SFMBT2: variants seen among roughly 807,000 people sequenced by gnomAD.
SFMBT2 encodes Scm like with four mbt domains 2, also known as scm-like with four MBT domains protein 2.
A neutral mutation model predicts 110.1 loss-of-function variants in SFMBT2; 38 were observed. That is an observed-to-expected ratio of 0.35 (90% CI 0.27 to 0.45). The LOEUF (loss-of-function observed/expected upper bound fraction) is 0.45. Among genes scored for constraint, SFMBT2 ranks in the 20% least tolerant of loss-of-function variants. SFMBT2 has a pLI of 1.00. For synonymous variants in SFMBT2, 425 were observed against 425.4 expected (o/e 1.00, Z 0.01); for missense variants, 1,011 against 1,094.9 (o/e 0.92, Z 1.08).
chr10:7,316,438 T>C (rs1217788652), intron 4 of SFMBT2, among the ~76,000 whole-genome samples: 3 of 152,064 alleles, frequency 2.0e-5, no homozygotes, highest in African/African-American at 4.8e-5. Context: ...AATGGGTCAG[T>C]GATGGGCCCC....
At chr10:7,319,544 A>T (rs1843109446) in intron 4 of SFMBT2, among the ~76,000 whole-genome samples, 1 of 152,262 alleles carries the variant, frequency 6.6e-6, no homozygotes, top group African/African-American at 2.4e-5. Context: ...CACAGGTATC[A>T]GTTATGGTAT....
chr10:7,407,947 G>A (rs549929708), intron 1 of SFMBT2, among the ~76,000 whole-genome samples: 2 of 152,200 alleles, frequency 1.3e-5, no homozygotes, highest in East Asian at 1.9e-4. Context: ...GTGGTCGGCC[G>A]GGCTCCTGCC....
At chr10:7,238,120 A>G (rs78023282) in intron 9 of SFMBT2, among the ~76,000 whole-genome samples, 2,736 of 152,242 alleles carry the variant, frequency 0.018, 63 homozygotes, top group African/African-American at 0.06. Context: ...CTGAGCAGAG[A>G]GACCCATGGT....
At position 7,171,892 on chromosome 10, in the gene SFMBT2, C is replaced by G; in HGVS notation, c.2415+3G>C. 7.1e-7 allele frequency: 1 copy of G among 1,414,754 alleles called. No individual in the cohort carries two copies. The highest frequency in any genetic ancestry group is 9.2e-7 in the Non-Finnish European group (1 of 1,087,076). The allele number at this position is 1,414,754 out of a possible 1,614,324, so 87.6% of individuals were successfully genotyped here. A position where few individuals can be genotyped will look rare whatever the true frequency, so the allele number is the denominator to read the frequency against. ...GCCCTCTGTCCCCACGCCCGGGCAT[C>G]ACCTCTGTCCCCTCGGGCTTGGTCG... On this transcript the variant is annotated splice_donor_region_variant and intron_variant, in intron 19 of 20. Coordinates refer to ENST00000397167, the MANE Select transcript of SFMBT2 (RefSeq NM_001387889.1). This position sits in a 1 kb window ranked among gnomAD's most constrained non-coding sequence, Gnocchi z 4.9.
intron 20 of SFMBT2, among the ~76,000 whole-genome samples, chr10:7,165,235 C>A (rs1837666906): frequency 6.6e-6 from 1 of 152,154 alleles, no homozygotes; most frequent in African/African-American, 2.4e-5. Context: ...AAGAATTATA[C>A]CCAGGGCTGC....
chr10:7,225,608 G>A (rs1334412839), intron 10 of SFMBT2, among the ~76,000 whole-genome samples: 4 of 152,142 alleles, frequency 2.6e-5, no homozygotes, highest in Non-Finnish European at 2.9e-5. Context: ...AAGCTCAGAA[G>A]CCACCTGGGA....
chr10:7,264,937 GAAAAAA>G (rs35999336), intron 7 of SFMBT2, among the ~76,000 whole-genome samples: 1 of 95,230 alleles, frequency 1.1e-5, no homozygotes, highest in African/African-American at 3.3e-5. Context: ...TAAAAAAGAG[GAAAAAA>G]AAAAAAAAAA....
chr10:7,216,009 C>T (rs367705176), intron 11 of SFMBT2, among the ~76,000 whole-genome samples: 5 of 152,198 alleles, frequency 3.3e-5, no homozygotes, highest in African/African-American at 4.8e-5. Context: ...TTCCTGGAAA[C>T]TCTGCTAACT....
chr10:7,199,383 C>T (rs1356619088), intron 14 of SFMBT2, among the ~76,000 whole-genome samples: 8 of 152,210 alleles, frequency 5.3e-5, no homozygotes, highest in African/African-American at 1.9e-4. Context: ...AAGCAACACT[C>T]ACAGTGGAAT....
intron 8 of SFMBT2, among the ~76,000 whole-genome samples, chr10:7,248,260 CT>C (rs756574308): frequency 2.6e-5 from 4 of 152,230 alleles, no homozygotes; most frequent in Non-Finnish European, 5.9e-5. Context: ...ACAAATTACT[CT>C]TGTAATGATT....
chr10:7,233,830 A>G (rs1017915857), intron 9 of SFMBT2, among the ~76,000 whole-genome samples: 2 of 152,206 alleles, frequency 1.3e-5, no homozygotes, highest in African/African-American at 4.8e-5. Context: ...GCAACCCTTC[A>G]GGGGATGAAT....
At chr10:7,353,512 T>G (rs1387832777) in intron 4 of SFMBT2, among the ~76,000 whole-genome samples, 1 of 151,324 alleles carries the variant, frequency 6.6e-6, no homozygotes, top group Non-Finnish European at 1.5e-5. Flanking sequence ...AAAAAACATC[T>G]TAATGGGTAA....
chr10:7,215,577 A>C, intron 11 of SFMBT2: 2 of 985,446 alleles, frequency 2.0e-6, no homozygotes, highest in South Asian at 9.4e-5. Context: ...AAGCACTGGA[A>C]TCCCTCCCTA....
At chr10:7,343,982 T>C (rs764446984) in intron 4 of SFMBT2, among the ~76,000 whole-genome samples, 11 of 152,232 alleles carry the variant, frequency 7.2e-5, no homozygotes, top group Non-Finnish European at 1.5e-4. Context: ...TCTCTTCCAC[T>C]GGCCCAAAGA....
Position 7,243,630 on chromosome 10 carries a change from G to A in SFMBT2, c.1048C>T (p.His350Tyr), listed in dbSNP as rs142786392. 4 of 872,736 alleles carry A rather than the reference G, an allele frequency of 4.6e-6. No homozygotes were observed. The African/African-American group carries it at 6.5e-5, about 14-fold the overall frequency. 54.1% of individuals were successfully genotyped at this position (872,736 alleles called of 1,614,324 possible). ...PEPSKLSMLC[H>Y]ADSLGILPVQ... Reference sequence around the variant, plus strand: ...GGCAAAATCCCCAAAGAATCTGCATGGCACAGCATTGACAGTTTACTTGGT... The same window carrying A: ...GGCAAAATCCCCAAAGAATCTGCATAGCACAGCATTGACAGTTTACTTGGT... The change falls in exon 9 of 21, where the codon CAT (histidine) becomes TAT (tyrosine). Residue 350 changes from histidine (H) to tyrosine (Y), a missense_variant. Transcript: ENST00000397167.
At chr10:7,328,726 G>A (rs1227810267) in intron 4 of SFMBT2, among the ~76,000 whole-genome samples, 2 of 152,144 alleles carry the variant, frequency 1.3e-5, no homozygotes, top group Non-Finnish European at 2.9e-5. Context: ...AATAATAATA[G>A]TCCCAGATGG....
intron 4 of SFMBT2, among the ~76,000 whole-genome samples, chr10:7,316,838 T>G (rs1189891300): frequency 1.3e-5 from 2 of 151,962 alleles, no homozygotes; most frequent in African/African-American, 2.4e-5. Flanking sequence ...TACATAGCCA[T>G]AGTATGTAGG....
At position 7,213,640 on chromosome 10, in the gene SFMBT2, C is replaced by T. The variant is rs2692837; in HGVS notation, c.1330+6771G>A. On this transcript the variant is annotated intron_variant, in intron 11 of 20. Transcript: ENST00000397167. ...TTCTGTTCTGGAAATGCTGCTGCCA[C>T]GTGGAGATGTTTTGCAGGGGATGGA... Among the ~76,000 whole-genome samples, 1,424 of 152,170 alleles carry T rather than the reference C, an allele frequency of 9.4e-3. 28 individuals carry two copies. Among genetic ancestry groups the T allele is most frequent in the African/African-American group, 0.031 (1,280 of 41,468 alleles).
chr10:7,214,522 T>C lies in SFMBT2; in HGVS notation c.1330+5889A>G, dbSNP rs1839465996. On this transcript the variant is annotated intron_variant, in intron 11 of 20. Transcript: ENST00000397167. ...ACAGATTAGATTTATTCCTGAGCTA[T>C]CACTGCTTCTTGTGTTTAAATACCT... is the stretch of plus-strand genomic sequence containing the variant. The C allele has an allele frequency of 3.1e-6, 3 of 969,098 alleles. No individual in the cohort carries two copies. In the African/African-American group the frequency reaches 5.3e-5, roughly 17 times the overall value. 60.0% of individuals were successfully genotyped at this position (969,098 alleles called of 1,614,324 possible).
Sources: allele counts gnomAD v4.1 joint callset (sites outside exome capture counted in the v4.1 genomes callset), GRCh38; gene constraint gnomAD v4.1.1; non-coding constraint Gnocchi (gnomAD v3.1); transcripts MANE v1.5; gene names NCBI Gene and HGNC (gene_info 2026-07-23, HGNC 2026-07-21).